RECQL4: variants seen among roughly 807,000 people sequenced by gnomAD.
The protein encoded by RECQL4 is ATP-dependent DNA helicase Q4.
RECQL4 carries 158 observed loss-of-function variants against 128.6 expected under a neutral mutation model. The ratio of observed to expected loss-of-function variants is 1.23; its 90% CI spans 1.08 to 1.40. The LOEUF (loss-of-function observed/expected upper bound fraction) is 1.40. Among genes scored for constraint, RECQL4 ranks in the 40% most tolerant of loss-of-function variants. The pLI, the probability that RECQL4 is intolerant of heterozygous loss-of-function variation, is 0.00. For synonymous variants in RECQL4, 996 were observed against 678.9 expected, an observed-to-expected ratio of 1.47 and a Z score of -7.26; for missense variants, 2,293 against 1,649.8, an observed-to-expected ratio of 1.39 and a Z score of -6.75.
Position 144,515,445 on chromosome 8 carries a change from T to A in RECQL4, c.1271A>T (p.Asp424Val), listed in dbSNP as rs755401046. ...AQCPRPASEE[D>V]TDAVGPEPLV... ...TGGCTCAGGCCCAACAGCATCTGTG[T>A]CTTCCTCACTTGCTGGGGCAGGCAG... is the stretch of plus-strand genomic sequence containing the variant. The change falls in exon 7 of 21, where the codon GAC becomes GTC. Residue 424 changes from aspartate (D) to valine (V), a missense_variant. Transcript: ENST00000617875. The A allele has an allele frequency of 1.9e-6, 3 of 1,612,646 alleles. No individual in the cohort carries two copies. The African/African-American group carries it at 4.0e-5, about 22-fold the overall frequency.
In RECQL4 at chr8:144,513,641, G is replaced by T. The variant is rs757037180; in HGVS notation, c.2130C>A (p.Arg710=). 6.3e-7 allele frequency: 1 copy of T among 1,586,334 alleles called. No individual in the cohort carries two copies. Among genetic ancestry groups the T allele is most frequent in the East Asian group, 2.3e-5 (1 of 43,484 alleles). The part of the protein sequence containing the change: ...LDSIIIYCNR[R]EDTERIAALL... ...GCGCAGCGATCCGCTCTGTGTCCTC[G>T]CGCCGGTTGCAGTAAATGATAATGG... Residue 710 remains arginine, a synonymous_variant, in exon 13 of 21, where the codon CGC becomes CGA. Coordinates refer to ENST00000617875, the MANE Select transcript of RECQL4 (RefSeq NM_004260.4).
chr8:144,512,711 G>T lies in RECQL4; in HGVS notation c.2816C>A (p.Ala939Glu), dbSNP rs561220929. Residue 939 changes from alanine (A) to glutamate (E), a missense_variant, in exon 16 of 21, where the codon GCG becomes GAG. Ala to Glu is a moderately radical substitution (Grantham distance 107, BLOSUM62 -1). Transcript: ENST00000617875. ...CAGACGGCAATGGGTATAGGTGGTCGCCAGCAGCTCCAGCCAGTGGTGTGG... is the reference window on the plus strand; with the variant it reads ...CAGACGGCAATGGGTATAGGTGGTCTCCAGCAGCTCCAGCCAGTGGTGTGG... ...LHPHHWLELL[A>E]TTYTHCRLNC... is the part of the protein sequence containing the mutation. 2 of 1,611,996 alleles carry T rather than the reference G, an allele frequency of 1.2e-6. No individual in the cohort carries two copies. Among genetic ancestry groups the T allele is most frequent in the East Asian group, 4.5e-5 (2 of 44,886 alleles).
Position 144,514,535 on chromosome 8 carries a change from C to G in RECQL4, c.1621-10G>C. 6.2e-7 allele frequency: 1 copy of G among 1,609,394 alleles called. No individual in the cohort carries two copies. The highest frequency in any genetic ancestry group is 1.1e-5 in the South Asian group (1 of 90,542). ...GTGGCAGGCCAGACACCTGCAAATG[C>G]AGGAGCGACAGCCGTCATACGCCAG... On this transcript the variant is annotated splice_polypyrimidine_tract_variant and intron_variant, in intron 9 of 20. Transcript: ENST00000617875.
rs748466411 is a variant in RECQL4 at position 144,516,670 on chromosome 8, G to A, written c.449C>T (p.Ser150Phe). The A allele has an allele frequency of 5.6e-6, 9 of 1,596,996 alleles. No homozygotes were observed. The highest frequency in any genetic ancestry group is 5.6e-5 in the South Asian group (5 of 88,816). Residue 150 changes from serine to phenylalanine, a missense_variant, in exon 5 of 21, where the codon TCC becomes TTC. Physicochemically the swap from Ser to Phe is radical, Grantham distance 155. Transcript: ENST00000617875. ...PKPPGTGPVP[S>F]FAEKVSDEPP... is the part of the protein sequence containing the mutation. ...CTCATCACTGACTTTTTCTGCAAAG[G>A]AGGGGACAGGCCCTGTACCTGGGGG...
chr8:144,515,309 A>T lies in RECQL4; in HGVS notation c.1390+17T>A. ...AACCCCTCAGTGAAGGCTCTGGGCC[A>T]GAAGCTGACTGCTCACCTGCCAACT... On this transcript the variant is annotated intron_variant, in intron 7 of 20. Transcript: ENST00000617875. 1 of 1,612,136 alleles carries T rather than the reference A, an allele frequency of 6.2e-7. No individual in the cohort carries two copies. Among genetic ancestry groups the T allele is most frequent in the Non-Finnish European group, 8.5e-7 (1 of 1,179,518 alleles).
In RECQL4 at chr8:144,512,224, A is replaced by G. The variant is rs200530038; in HGVS notation, c.3156T>C (p.Cys1052=). Residue 1052 remains cysteine (C), a synonymous_variant, in exon 18 of 21, where the codon TGT becomes TGC. Transcript: ENST00000617875. ...DLTAEEKDQI[C]DFLYGRVQAR... ...CCTGCACACGGCCATAGAGGAAGTC[A>G]CATATCTGGTCCTTCTCCTCAGCGG... 7 of 1,612,412 alleles carry G rather than the reference A, an allele frequency of 4.3e-6. No individual in the cohort carries two copies. The highest frequency in any genetic ancestry group is 5.1e-6 in the Non-Finnish European group (6 of 1,179,738).
rs754473947 is a variant in RECQL4 at position 144,516,075 on chromosome 8, A to G, written c.1044T>C (p.His348=). 4.3e-6 allele frequency: 7 copies of G among 1,612,536 alleles called. No homozygotes were observed. Among genetic ancestry groups the G allele is most frequent in the Admixed American group, 3.3e-5 (2 of 60,006 alleles). Residue 348 remains histidine, a synonymous_variant, in exon 5 of 21, where the codon CAT becomes CAC. Coordinates refer to ENST00000617875, the MANE Select transcript of RECQL4 (RefSeq NM_004260.4). ...PLHIFPRLAR[H]DRGNYVRLNM... is the part of the protein sequence containing the mutation. ...TGAGCCGTACGTAATTGCCCCTGTC[A>G]TGGCGGGCCAGCCGAGGGAAGATGT...
In RECQL4 at chr8:144,514,091, A is replaced by C. The variant is rs757829517; in HGVS notation, c.1895T>G (p.Met632Arg). The C allele has an allele frequency of 5.6e-6, 9 of 1,601,420 alleles. No homozygotes were observed. Among genetic ancestry groups the C allele is most frequent in the Admixed American group, 5.1e-5 (3 of 58,426 alleles). The change falls in exon 12 of 21, where the codon ATG becomes AGG. Residue 632 changes from methionine to arginine, a missense_variant. Coordinates refer to ENST00000617875, the MANE Select transcript of RECQL4 (RefSeq NM_004260.4). ...LRVCKVLRER[M>R]GVHCFLGLTA... ...GAGGCCCAGGAAGCAGTGCACGCCC[A>C]TGCGCTCCCGAAGCACCTGCACCAG...
In RECQL4 at chr8:144,512,749, G is replaced by A; in HGVS notation, c.2778C>T (p.Tyr926=). ...GCCAGTGGTGTGGGTGCAGCTCCAG[G>A]TAGCACAGCAAAGTCTCGATGGCTG... ...PEEAIETLLC[Y]LELHPHHWLE... is the part of the protein sequence containing the mutation. Residue 926 remains tyrosine, a synonymous_variant, in exon 16 of 21, where the codon TAC becomes TAT. Coordinates refer to ENST00000617875, the MANE Select transcript of RECQL4 (RefSeq NM_004260.4). The A allele has an allele frequency of 1.9e-6, 3 of 1,612,128 alleles. No homozygotes were observed. The highest frequency in any genetic ancestry group is 1.1e-5 in the South Asian group (1 of 91,078).
In RECQL4 at chr8:144,512,061, G is replaced by A. The variant is rs576322077; in HGVS notation, c.3243C>T (p.Ala1081=). The part of the protein sequence containing the change: ...RRTFQAFHSV[A]FPSCGPCLEQ... ...CCAGGCAGGGCCCGCAGCTGGGGAAGGCTACGCTGTGGGGAGGAGCCTGTC... is the reference window on the plus strand; with the variant it reads ...CCAGGCAGGGCCCGCAGCTGGGGAAAGCTACGCTGTGGGGAGGAGCCTGTC... The change falls in exon 19 of 21, where the codon GCC becomes GCT. Residue 1081 remains alanine, a synonymous_variant. Transcript: ENST00000617875. 1 of 1,607,952 alleles carries A rather than the reference G, an allele frequency of 6.2e-7. No individual in the cohort carries two copies.
In RECQL4 at chr8:144,516,191, G is replaced by T; in HGVS notation, c.928C>A (p.Pro310Thr). Residue 310 changes from proline to threonine, a missense_variant, in exon 5 of 21, where the codon CCC (proline) becomes ACC (threonine). Physicochemically the swap from Pro to Thr is conservative, Grantham distance 38. Coordinates refer to ENST00000617875, the MANE Select transcript of RECQL4 (RefSeq NM_004260.4). ...GEPVQAQPPQPCSSPSNPRYH... is the reference protein window; with the variant it reads ...GEPVQAQPPQTCSSPSNPRYH... ...CTGGGGTTCGATGGGCTGCTGCAGG[G>T]CTGAGGTGGCTGTGCCTGTACAGGT... 2 of 1,613,396 alleles carry T rather than the reference G, an allele frequency of 1.2e-6. No individual in the cohort carries two copies. The highest frequency in any genetic ancestry group is 1.1e-5 in the South Asian group (1 of 91,088).
In RECQL4 at chr8:144,512,857, C is replaced by A. The variant is rs2130669293; in HGVS notation, c.2745G>T (p.Met915Ile). 1 of 1,603,888 alleles carries A rather than the reference C, an allele frequency of 6.2e-7. No individual in the cohort carries two copies. The highest frequency in any genetic ancestry group is 1.1e-5 in the South Asian group (1 of 89,718). Reference protein sequence around the residue: ...PIQLTVQALDMPEEAIETLLC... With the variant: ...PIQLTVQALDIPEEAIETLLC... ...CCCCAGGTTCCTCACCCTCCTCCGG[C>A]ATGTCCAAAGCCTGTACGGTAAGCT... Residue 915 changes from methionine to isoleucine, a missense_variant, in exon 15 of 21, where the codon ATG (methionine) becomes ATT (isoleucine). By Grantham distance (10) the Met-to-Ile change is conservative. Transcript: ENST00000617875.
In RECQL4 at chr8:144,511,781, A is replaced by C. The variant is rs371037028; in HGVS notation, c.3402T>G (p.Asp1134Glu). Residue 1134 changes from aspartate (D) to glutamate (E), a missense_variant, in exon 20 of 21, where the codon GAT becomes GAG. Coordinates refer to ENST00000617875, the MANE Select transcript of RECQL4 (RefSeq NM_004260.4). ...TGTCGCAGCGGACCTGGTCCTCCCA[A>C]TCCTGGAGCTGTGTGGACAGGCACA... ...GPEPGQARLQ[D>E]WEDQVRCDIR... The C allele has an allele frequency of 1.2e-6, 2 of 1,612,320 alleles. No homozygotes were observed. Among genetic ancestry groups the C allele is most frequent in the Non-Finnish European group, 1.7e-6 (2 of 1,179,756 alleles).
In RECQL4 at chr8:144,513,091, C is replaced by T. The variant is rs772866964; in HGVS notation, c.2511G>A (p.Thr837=). 128 of 1,574,026 alleles carry T rather than the reference C, an allele frequency of 8.1e-5. No homozygotes were observed. Among genetic ancestry groups the T allele is most frequent in the South Asian group, 7.1e-4 (61 of 86,112 alleles). ...ELRRHVHADS[T]DFLAVKRLVQ... ...CCAGCCTCTTCACAGCCAGGAAGTC[C>T]GTGCTGTCGGCGTGCACATGTCTGC... Residue 837 remains threonine (T), a synonymous_variant, in exon 15 of 21, where the codon ACG becomes ACA. Transcript: ENST00000617875.
intron 9 of RECQL4, 23 bp from the exon 10 acceptor site, chr8:144,514,548 C>T (rs774456984): frequency 2.0e-5 from 32 of 1,604,150 alleles, no homozygotes; most frequent in Middle Eastern, 1.7e-4. Flanking sequence ...GAGCGACAGC[C>T]GTCATACGCC....
Position 144,516,242 on chromosome 8 carries a change from C to A in RECQL4, c.877G>T (p.Ala293Ser), listed in dbSNP as rs1814951208. 6.2e-7 allele frequency: 1 copy of A among 1,612,808 alleles called. No individual in the cohort carries two copies. Reference sequence around the variant, plus strand: ...TCCCCTGGAGGGTCTTCCTCAACTGCTACAGCCCCAGCCCCCTCCGATGGG... The same window carrying A: ...TCCCCTGGAGGGTCTTCCTCAACTGATACAGCCCCAGCCCCCTCCGATGGG... ...GPPSEGAGAV[A>S]VEEDPPGEPV... The change falls in exon 5 of 21, where the codon GCA becomes TCA. Residue 293 changes from alanine (A) to serine (S), a missense_variant. Coordinates refer to ENST00000617875, the MANE Select transcript of RECQL4 (RefSeq NM_004260.4).
chr8:144,511,602 A>T, intron 20 of RECQL4, 47 bp from the exon 21 acceptor site: 1 of 1,607,462 alleles, frequency 6.2e-7, no homozygotes, highest in African/African-American at 1.3e-5. Context: ...CCCAGCCTGC[A>T]GCGGGTGGAG....
In RECQL4 at chr8:144,516,193, T is replaced by C; in HGVS notation, c.926A>G (p.Gln309Arg). Residue 309 changes from glutamine (Q) to arginine (R), a missense_variant, in exon 5 of 21, where the codon CAG (glutamine) becomes CGG (arginine). Coordinates refer to ENST00000617875, the MANE Select transcript of RECQL4 (RefSeq NM_004260.4). ...PGEPVQAQPP[Q>R]PCSSPSNPRY... ...GGGGTTCGATGGGCTGCTGCAGGGC[T>C]GAGGTGGCTGTGCCTGTACAGGTTC... The C allele has an allele frequency of 3.1e-6, 5 of 1,613,382 alleles. No individual in the cohort carries two copies. Among genetic ancestry groups the C allele is most frequent in the Non-Finnish European group, 4.2e-6 (5 of 1,179,850 alleles).
rs775455110 is a variant in RECQL4, at chr8:144,517,071, G to A, written c.333C>T (p.Ala111=). The A allele has an allele frequency of 6.2e-7, 1 of 1,611,666 alleles. No individual in the cohort carries two copies. The highest frequency in any genetic ancestry group is 8.5e-7 in the Non-Finnish European group (1 of 1,179,128). ...SVPDYGQRLK[A]NLKGTLQAGP... ...TCACCTGCAGGGTGCCTTTCAGATTGGCCTTGAGCCGCTGCCCGTAGTCCG... is the reference window on the plus strand; with the variant it reads ...TCACCTGCAGGGTGCCTTTCAGATTAGCCTTGAGCCGCTGCCCGTAGTCCG... The change falls in exon 4 of 21, where the codon GCC becomes GCT. Residue 111 remains alanine, a synonymous_variant. Coordinates refer to ENST00000617875, the MANE Select transcript of RECQL4 (RefSeq NM_004260.4).
Sources: gnomAD v4.1 joint callset for allele counts on GRCh38, gnomAD v4.1.1 for gene constraint, MANE v1.5 for transcripts, NCBI Gene and HGNC (gene_info 2026-07-23, HGNC 2026-07-21) for gene names.